The following BMP1 variants were observed in gnomAD, a reference collection of about 807,000 sequenced individuals.
BMP1 encodes mammalian tolloid protein.
BMP1 carries 63 observed loss-of-function variants against 116.8 expected under a neutral mutation model. The observed-to-expected ratio is 0.54, with a 90% CI of 0.44 to 0.67. The LOEUF (loss-of-function observed/expected upper bound fraction) is 0.67. Ranked by LOEUF, BMP1 falls within the 30% of genes least tolerant of loss-of-function variation. The probability of loss-of-function intolerance (pLI) is 0.00; values close to 1 mark genes in which losing one functional copy is unlikely to be tolerated. For missense variants in BMP1, 1,183 were observed against 1,358.9 expected (o/e 0.87, Z 2.04); for synonymous variants, 536 against 533.4 (o/e 1.00, Z -0.07).
intron 4 of BMP1, 63 bp from the exon 5 acceptor site, chr8:22,176,898 G>A (rs924639407): frequency 9.5e-6 from 7 of 737,050 alleles, no homozygotes; most frequent in East Asian, 6.3e-5. Flanking sequence ...GCCTGGCCCC[G>A]CCCCTGAGTG....
chr8:22,184,954 G>T (rs1828724220), intron 8 of BMP1, among the ~76,000 whole-genome samples: 2 of 152,286 alleles, frequency 1.3e-5, no homozygotes, highest in African/African-American at 4.8e-5. Context: ...TCAGCTTATT[G>T]CCAGAAATGT....
chr8:22,173,078 T>G (rs1457766126), intron 1 of BMP1, among the ~76,000 whole-genome samples: 1 of 152,162 alleles, frequency 6.6e-6, no homozygotes, highest in Non-Finnish European at 1.5e-5. Flanking sequence ...GAAGGTTAGC[T>G]CCACCGAAGC....
At chr8:22,167,128 G>C (rs1828138173) in intron 1 of BMP1, among the ~76,000 whole-genome samples, 1 of 152,200 alleles carries the variant, frequency 6.6e-6, no homozygotes, top group Admixed American at 6.5e-5. Flanking sequence ...CCTGTTTTCT[G>C]TGCCTCAGAC....
intron 15 of BMP1, chr8:22,201,480 G>A: frequency 1.4e-6 from 2 of 1,399,238 alleles, no homozygotes; most frequent in South Asian, 1.6e-5. Context: ...CCTTTCTCTT[G>A]CAGTCTGCTT....
At chr8:22,210,446 CCTCTCT>C (rs35296515) in intron 19 of BMP1, among the ~76,000 whole-genome samples, 17 of 135,700 alleles carry the variant, frequency 1.3e-4, no homozygotes, top group East Asian at 4.1e-4. Flanking sequence ...TCTCTCTTTC[CCTCTCT>C]CTCTCTCTCT....
chr8:22,211,075 C>G (rs1829455299), intron 19 of BMP1, among the ~76,000 whole-genome samples: 1 of 152,106 alleles, frequency 6.6e-6, no homozygotes. Context: ...GTAGGGATGG[C>G]AGAGTCCAGG....
At chr8:22,185,556 C>G in intron 8 of BMP1, among the ~76,000 whole-genome samples, 1 of 152,152 alleles carries the variant, frequency 6.6e-6, no homozygotes, top group East Asian at 1.9e-4. Flanking sequence ...ACTTTTGGAG[C>G]TGGCAATATC....
intron 15 of BMP1, among the ~76,000 whole-genome samples, chr8:22,198,222 C>T (rs1163427582): frequency 6.6e-6 from 1 of 152,154 alleles, no homozygotes; most frequent in Non-Finnish European, 1.5e-5. Flanking sequence ...AATACCAAAG[C>T]CTTGGGGCTC....
chr8:22,201,906 C>A lies in BMP1; in HGVS notation c.2211C>A (p.Asp737Glu). The change falls in exon 16 of 20, where the codon GAC becomes GAA. Residue 737 changes from aspartate to glutamate, a missense_variant. By Grantham distance (45) the Asp-to-Glu change is conservative. Coordinates refer to ENST00000306385, the MANE Select transcript of BMP1 (RefSeq NM_006129.5). ...GCCGCAGTGGCTTCGTCCTCCATGA[C>A]AACAAGCACGACTGCAAAGAAGGTA... The part of the protein sequence containing the change: ...CQCRSGFVLH[D>E]NKHDCKEAGC... 1 of 1,613,568 alleles carries A rather than the reference C, an allele frequency of 6.2e-7. No homozygotes were observed. The highest frequency in any genetic ancestry group is 8.5e-7 in the Non-Finnish European group (1 of 1,179,784).
chr8:22,193,424 G>A (rs1828989886), intron 9 of BMP1, among the ~76,000 whole-genome samples: 1 of 152,170 alleles, frequency 6.6e-6, no homozygotes, highest in African/African-American at 2.4e-5. Context: ...ATAAGAAAAG[G>A]TAAATAATGA....
At chr8:22,203,063 C>A (rs895750833) in intron 16 of BMP1, among the ~76,000 whole-genome samples, 5 of 152,076 alleles carry the variant, frequency 3.3e-5, no homozygotes, top group African/African-American at 1.2e-4. Flanking sequence ...CATGGCATCA[C>A]CAGTATCCCC....
At chr8:22,169,856 C>T (rs1387487154) in intron 1 of BMP1, 3 of 152,192 alleles carry the variant, frequency 2.0e-5, no homozygotes, top group South Asian at 2.1e-4. Context: ...ATGGGCTCAG[C>T]CACAGTGCTC....
chr8:22,204,365 C>T (rs142506945), intron 16 of BMP1, among the ~76,000 whole-genome samples: 10 of 152,288 alleles, frequency 6.6e-5, no homozygotes, highest in African/African-American at 1.4e-4. Context: ...AGTGCCTGGC[C>T]GCCTGTTTCC....
intron 15 of BMP1, among the ~76,000 whole-genome samples, chr8:22,200,861 C>T (rs1199079180): frequency 6.6e-6 from 1 of 152,196 alleles, no homozygotes; most frequent in African/African-American, 2.4e-5. Context: ...TGTGCCAACC[C>T]TCCAGGCCTT....
intron 5 of BMP1, 67 bp downstream of exon 5, chr8:22,177,206 C>T: frequency 6.8e-7 from 1 of 1,468,338 alleles, no homozygotes; most frequent in South Asian, 1.3e-5. Context: ...CTCCAGGACC[C>T]CTGGGGGCAG....
At position 22,207,375 on chromosome 8, in the gene BMP1, G is replaced by A. The variant is rs1163940645; in HGVS notation, c.2434G>A (p.Asp812Asn). The A allele has an allele frequency of 6.2e-7, 1 of 1,614,218 alleles. No individual in the cohort carries two copies. Among genetic ancestry groups the A allele is most frequent in the South Asian group, 1.1e-5 (1 of 91,090 alleles). ...CCACCTAGAGGTGTTCGACGGGCGA[G>A]ACGCCAAGGCCCCCGTCCTCGGCCG... ...YDHLEVFDGR[D>N]AKAPVLGRFC... is the part of the protein sequence containing the mutation. Residue 812 changes from aspartate (D) to asparagine (N), a missense_variant, in exon 18 of 20, where the codon GAC becomes AAC. By Grantham distance (23) the Asp-to-Asn change is conservative. Transcript: ENST00000306385.
chr8:22,207,316 T>C lies in BMP1; in HGVS notation c.2375T>C (p.Met792Thr), dbSNP rs768191921. 3.1e-6 allele frequency: 5 copies of C among 1,612,620 alleles called. No individual in the cohort carries two copies. Among genetic ancestry groups the C allele is most frequent in the African/African-American group, 1.3e-5 (1 of 74,906 alleles). Residue 792 changes from methionine to threonine, a missense_variant, in exon 18 of 20, where the codon ATG becomes ACG. This residue lies in a region of BMP1 where 956 missense variants were observed against 1,135.2 expected (regional missense o/e 0.84). Transcript: ENST00000306385. ...TCATCCCCCTAGACCTTCATGGAGA[T>C]GGACATCGAGTCCCAGCCTGAGTGT... ...GHRVKLTFME[M>T]DIESQPECAY...
In BMP1 at chr8:22,194,354, G is replaced by C. The variant is rs1247368901; in HGVS notation, c.1298-91G>C. On this transcript the variant is annotated intron_variant, in intron 10 of 19. Transcript: ENST00000306385. This position sits in a 1 kb window ranked among gnomAD's most constrained non-coding sequence, Gnocchi z 4.5. The stretch of plus-strand genomic sequence containing the variant: ...GGAACTGAAAAGCTGGGGGACATGG[G>C]AGGGACTGGAGGAGTGGGGAAAAGA... 1 of 1,539,098 alleles carries C rather than the reference G, an allele frequency of 6.5e-7. No homozygotes were observed. Among genetic ancestry groups the C allele is most frequent in the Non-Finnish European group, 8.9e-7 (1 of 1,127,768 alleles).
In BMP1 at chr8:22,195,659, T is replaced by C. The variant is rs986661903; in HGVS notation, c.1765+72T>C. The C allele has an allele frequency of 2.6e-6, 4 of 1,566,596 alleles. No homozygotes were observed. In the African/African-American group the frequency reaches 5.6e-5, roughly 22 times the overall value. On this transcript the variant is annotated intron_variant, in intron 13 of 19. Transcript: ENST00000306385. ...AGCCCACCTGCCCAGAATTTTTTTT[T>C]TTTTTAGACAGGCTTTTGCTCTGTC...
Sources: gnomAD v4.1 joint callset for allele counts (sites outside exome capture counted in the v4.1 genomes callset) on GRCh38, gnomAD v4.1.1 for gene constraint, gnomAD v4.1.1 regional missense constraint, Gnocchi (gnomAD v3.1) non-coding constraint, MANE v1.5 for transcripts, NCBI Gene and HGNC (gene_info 2026-07-23, HGNC 2026-07-21) for gene names.